CLIC5: variants seen among roughly 807,000 people sequenced by gnomAD.
CLIC5 encodes the protein chloride intracellular channel protein 5.
In CLIC5, 20 loss-of-function variants were observed where a neutral mutation model predicts 24.7. That is an observed-to-expected ratio of 0.81 (90% CI 0.57 to 1.18). The LOEUF is 1.18. CLIC5 is among the 50% of genes most tolerant of loss of function. The pLI is 0.00. For missense variants in CLIC5, 341 were observed against 326.1 expected (o/e 1.05, Z -0.35); for synonymous variants, 159 against 135.6 (o/e 1.17, Z -1.20).
chr6:46,085,755 G>A, the CLIC5 span, among the ~76,000 whole-genome samples: 11 of 152,326 alleles, frequency 7.2e-5, no homozygotes, highest in East Asian at 3.9e-4. Flanking sequence ...CTCCAGCTGC[G>A]TGCTGGGAGA....
rs139356265 is a variant in CLIC5 at position 45,941,602 on chromosome 6, G to A, written c.351C>T (p.Asp117=). 41 of 1,613,972 alleles carry A rather than the reference G, an allele frequency of 2.5e-5. No individual in the cohort carries two copies. The Admixed American group carries it at 4.8e-4, about 19-fold the overall frequency. Residue 117 remains aspartate (D), a synonymous_variant, in exon 4 of 6, where the codon GAC becomes GAT. Transcript: ENST00000339561. ...TGTAGGCAGAAAACTTGGAAAAGAT[G>A]TCGATGCCCGCTGTGTTGGATTCCC... ...KHRESNTAGI[D]IFSKFSAYIK...
At chr6:45,987,494 G>A (rs369069814) in intron 1 of CLIC5, among the ~76,000 whole-genome samples, 1 of 152,214 alleles carries the variant, frequency 6.6e-6, no homozygotes, top group East Asian at 1.9e-4. Context: ...CTATAAGATA[G>A]ATTTTTGTAT....
chr6:46,080,039 C>T (rs996256537), exon 1 of CLIC5: 27 of 1,551,560 alleles, frequency 1.7e-5, no homozygotes, highest in Non-Finnish European at 2.3e-5. Context: ...CCAAGCTGGT[C>T]TCTTCACCCT....
In CLIC5 at chr6:45,899,660, TTGTC is replaced by T. The variant is rs1225593265; in HGVS notation, c.*3424_*3427del. The stretch of plus-strand genomic sequence containing the variant: ...TATGACAGTTCTAAGATGCTTGGTA[TTGTC>T]TGTCTGTGGAGTGGCCATGGGGCAC... On this transcript the variant is annotated 3_prime_UTR_variant, in exon 6 of 6. Transcript: ENST00000339561. 1.3e-5 allele frequency: 2 copies of T among 152,260 alleles called. No homozygotes were observed. Among genetic ancestry groups the T allele is most frequent in the African/African-American group, 2.4e-5 (1 of 41,450 alleles). The allele number at this position is 152,260 out of a possible 1,614,324, so 9.4% of individuals were successfully genotyped here.
intron 1 of CLIC5, among the ~76,000 whole-genome samples, chr6:45,958,429 TATATATATATATATATA>T (rs1561964404): frequency 0.16 from 743 of 4,660 alleles, 38 homozygotes; most frequent in African/African-American, 0.21. Context: ...CAATTATATA[TATATATATATATATATA>T]TATATATATA....
rs1766981330 is a variant in CLIC5 at position 46,015,750 on chromosome 6, G to A, written c.-208C>T. The stretch of plus-strand genomic sequence containing the variant: ...TGCTCACATGAAAAGGAGCGAAGCC[G>A]GGAGGAGGCGGGGGGCCACGGGGAA... On this transcript the variant is annotated 5_prime_UTR_variant, in exon 1 of 6. Transcript: ENST00000339561. 2 of 1,234,836 alleles carry A rather than the reference G, an allele frequency of 1.6e-6. No individual in the cohort carries two copies. The highest frequency in any genetic ancestry group is 2.0e-6 in the Non-Finnish European group (2 of 989,054). The allele number at this position is 1,234,836 out of a possible 1,614,324, so 76.5% of individuals were successfully genotyped here. A position where few individuals can be genotyped will look rare whatever the true frequency, so the allele number is the denominator to read the frequency against.
At chr6:46,024,235 C>T (rs990931826) in intron 1 of CLIC5, among the ~76,000 whole-genome samples, 1 of 152,062 alleles carries the variant, frequency 6.6e-6, no homozygotes, top group Non-Finnish European at 1.5e-5. Flanking sequence ...ACCCAGTTTC[C>T]TTGGGGATCT....
the CLIC5 span, among the ~76,000 whole-genome samples, chr6:46,112,339 G>A: frequency 6.6e-6 from 1 of 152,148 alleles, no homozygotes; most frequent in Non-Finnish European, 1.5e-5. Context: ...TTTTCTCTAA[G>A]AGCTTTCACC....
At chr6:45,975,920 A>T (rs1182450062) in intron 1 of CLIC5, among the ~76,000 whole-genome samples, 1 of 152,226 alleles carries the variant, frequency 6.6e-6, no homozygotes, top group Non-Finnish European at 1.5e-5. Context: ...GTAAAGGACC[A>T]GGGCCTGAAT....
upstream of CLIC5, among the ~76,000 whole-genome samples, chr6:46,083,673 C>T (rs1762970778): frequency 6.6e-6 from 1 of 151,682 alleles, no homozygotes; most frequent in Admixed American, 6.6e-5. Context: ...TTTACTTTTG[C>T]CGAGGAGAGC....
chr6:46,010,644 C>G (rs1555217), intron 1 of CLIC5, among the ~76,000 whole-genome samples: 64,416 of 151,704 alleles, frequency 0.42, 13,828 homozygotes, highest in Middle Eastern at 0.56. Flanking sequence ...TGCAGGAGCT[C>G]TCAACACTGG....
chr6:46,109,869 T>C, the CLIC5 span, among the ~76,000 whole-genome samples: 5 of 145,026 alleles, frequency 3.4e-5, no homozygotes, highest in Admixed American at 6.7e-5. Context: ...TCTGACATAA[T>C]GTAAAAGAGT....
At chr6:45,937,086 G>A (rs76535552) in intron 4 of CLIC5, among the ~76,000 whole-genome samples, 3,208 of 152,252 alleles carry the variant, frequency 0.021, 122 homozygotes, top group African/African-American at 0.074. Context: ...GGCTGCTGAG[G>A]TATGAGAGTT....
intron 1 of CLIC5, among the ~76,000 whole-genome samples, chr6:46,001,218 T>C (rs1043556994): frequency 2.6e-5 from 4 of 152,146 alleles, no homozygotes; most frequent in Admixed American, 1.3e-4. Context: ...CTTACTCTCC[T>C]GGGGTAGGTG....
At chr6:46,120,887 G>A in the CLIC5 span, among the ~76,000 whole-genome samples, 1 of 152,076 alleles carries the variant, frequency 6.6e-6, no homozygotes, top group Non-Finnish European at 1.5e-5. Context: ...AGAGAAAAAA[G>A]AATAAAAAGA....
intron 1 of CLIC5, 93 bp downstream of exon 1, chr6:46,015,386 TG>T: frequency 7.7e-7 from 1 of 1,293,100 alleles, no homozygotes. Context: ...GCCGCCCTCC[TG>T]GGAGGGTCCG....
chr6:46,084,945 C>T (rs1343819580), upstream of CLIC5, among the ~76,000 whole-genome samples: 3 of 152,154 alleles, frequency 2.0e-5, no homozygotes, highest in African/African-American at 4.8e-5. Flanking sequence ...TCACATAGTC[C>T]AATATTTCTT....
chr6:46,084,940 T>C (rs1034451389), upstream of CLIC5, among the ~76,000 whole-genome samples: 4 of 152,238 alleles, frequency 2.6e-5, no homozygotes, highest in Admixed American at 1.3e-4. Context: ...TCTTTTCACA[T>C]AGTCCAATAT....
At chr6:45,998,097 T>C (rs1422225511) in intron 1 of CLIC5, among the ~76,000 whole-genome samples, 1 of 152,360 alleles carries the variant, frequency 6.6e-6, no homozygotes, top group South Asian at 2.1e-4. Context: ...GGAGCGGTTG[T>C]CTGGGGCTTC....
Sources: allele counts gnomAD v4.1 joint callset (sites outside exome capture counted in the v4.1 genomes callset), GRCh38; gene constraint gnomAD v4.1.1; transcripts MANE v1.5; gene names NCBI Gene and HGNC (gene_info 2026-07-23, HGNC 2026-07-21).